The following COBL variants were observed in gnomAD, a reference collection of about 807,000 sequenced individuals.
COBL encodes protein cordon-bleu.
Under a neutral mutation model 98.8 loss-of-function variants are expected in COBL, and 51 were observed. The ratio of observed to expected loss-of-function variants is 0.52; its 90% CI spans 0.41 to 0.65. The LOEUF is 0.65. COBL is among the 30% of genes least tolerant of loss of function. The pLI, the probability that COBL is intolerant of heterozygous loss-of-function variation, is 0.00. For synonymous variants in COBL, 634 were observed against 651.7 expected, an observed-to-expected ratio of 0.97 and a Z score of 0.41; for missense variants, 1,617 against 1,617.5, an observed-to-expected ratio of 1.00 and a Z score of 0.01.
chr7:51,264,179 G>A (rs891682444), intron 1 of COBL, among the ~76,000 whole-genome samples: 1 of 152,110 alleles, frequency 6.6e-6, no homozygotes, highest in African/African-American at 2.4e-5. Flanking sequence ...CAAAACTGCA[G>A]GCAAGGAAGG....
chr7:51,288,226 G>T (rs927354079), intron 1 of COBL, among the ~76,000 whole-genome samples: 2 of 151,916 alleles, frequency 1.3e-5, no homozygotes, highest in African/African-American at 4.8e-5. Context: ...CTGAGTTCAG[G>T]AGTTCGAGAT....
At chr7:51,279,286 A>G (rs1455404051) in intron 1 of COBL, among the ~76,000 whole-genome samples, 1 of 152,234 alleles carries the variant, frequency 6.6e-6, no homozygotes, top group East Asian at 1.9e-4. Flanking sequence ...AGCCATGACT[A>G]ACTACTAAAG....
chr7:51,160,943 G>A (rs898054277), intron 5 of COBL, among the ~76,000 whole-genome samples: 9 of 150,896 alleles, frequency 6.0e-5, no homozygotes, highest in East Asian at 1.9e-4. Flanking sequence ...TCACTCTGTC[G>A]CCCAGGCTGG....
intron 1 of COBL, among the ~76,000 whole-genome samples, chr7:51,305,863 G>A (rs315103): frequency 0.086 from 13,070 of 152,052 alleles, 715 homozygotes; most frequent in East Asian, 0.3. Flanking sequence ...GTGAAGACCC[G>A]TCTCTACTAA....
At chr7:51,092,206 A>G (rs1281375138) in intron 6 of COBL, among the ~76,000 whole-genome samples, 2 of 152,226 alleles carry the variant, frequency 1.3e-5, no homozygotes, top group Admixed American at 6.5e-5. Flanking sequence ...GAACAGTTTT[A>G]TCCCGAAACC....
intron 5 of COBL, among the ~76,000 whole-genome samples, chr7:51,163,504 A>G (rs1787016138): frequency 6.6e-6 from 1 of 152,228 alleles, no homozygotes; most frequent in Admixed American, 6.5e-5. Flanking sequence ...GTACTGCCCT[A>G]GGGCTTGAAA....
chr7:51,182,573 C>G (rs547105028), intron 5 of COBL, among the ~76,000 whole-genome samples: 2 of 151,544 alleles, frequency 1.3e-5, no homozygotes, highest in African/African-American at 4.8e-5. Context: ...TGAGCCACCG[C>G]GCCCGGCCAC....
chr7:51,207,828 T>C (rs1036541888), intron 2 of COBL, among the ~76,000 whole-genome samples: 5 of 152,188 alleles, frequency 3.3e-5, no homozygotes, highest in African/African-American at 7.2e-5. Context: ...AGTGCCGAGA[T>C]TGCAGCCTCT....
chr7:51,017,898 C>T (rs925291037), intron 12 of COBL, among the ~76,000 whole-genome samples: 2 of 152,220 alleles, frequency 1.3e-5, no homozygotes, highest in Non-Finnish European at 2.9e-5. Flanking sequence ...CATCTGAGGC[C>T]TTGCCCTCTG....
intron 7 of COBL, among the ~76,000 whole-genome samples, chr7:51,055,456 A>T (rs533156902): frequency 1.3e-5 from 2 of 152,338 alleles, no homozygotes; most frequent in Non-Finnish European, 2.9e-5. Context: ...CAGTAATGGT[A>T]GCTAAAATTA....
In COBL at chr7:51,156,382, T is replaced by C. The variant is rs950577950; in HGVS notation, c.784-20051A>G. The C allele has an allele frequency of 3.0e-6, 3 of 985,220 alleles. No homozygotes were observed. In the African/African-American group the frequency reaches 5.2e-5, roughly 17 times the overall value. 61.0% of individuals were successfully genotyped at this position (985,220 alleles called of 1,614,324 possible). ...GCTCAGAGCCAATACTTCCGAAATGTCCCTTTCTGAAAGCTCACCGAAGTG... is the reference window on the plus strand; with the variant it reads ...GCTCAGAGCCAATACTTCCGAAATGCCCCTTTCTGAAAGCTCACCGAAGTG... On this transcript the variant is annotated intron_variant, in intron 5 of 12. Coordinates refer to ENST00000265136, the MANE Select transcript of COBL (RefSeq NM_015198.5).
chr7:51,269,882 G>A (rs147088894), intron 1 of COBL, among the ~76,000 whole-genome samples: 184 of 152,296 alleles, frequency 1.2e-3, no homozygotes, highest in African/African-American at 4.2e-3. Flanking sequence ...GCAGGAGAAA[G>A]CACCAAAGAA....
At chr7:51,305,961 A>C (rs1203293557) in intron 1 of COBL, among the ~76,000 whole-genome samples, 1 of 152,050 alleles carries the variant, frequency 6.6e-6, no homozygotes, top group Non-Finnish European at 1.5e-5. Flanking sequence ...GCTTGAACCC[A>C]GGAGATAGAG....
Position 51,018,884 on chromosome 7 carries a change from T to C in COBL, c.3769-1316A>G, listed in dbSNP as rs1310745280. Among the ~76,000 whole-genome samples, 7 of 38,912 alleles carry C rather than the reference T, an allele frequency of 1.8e-4. No homozygotes were observed. In the East Asian group the frequency reaches 2.5e-3, roughly 14 times the overall value. The allele number at this position is 38,912 out of a possible 152,430, so 25.5% of individuals were successfully genotyped here. On this transcript the variant is annotated intron_variant, in intron 12 of 12. Transcript: ENST00000265136. ...CCAGCCTGGGCAACAAGAGAGAAAC[T>C]CCATCTCAAAAAAAAAAAAAAATAT...
chr7:51,265,344 G>A (rs1798103364), intron 1 of COBL, among the ~76,000 whole-genome samples: 1 of 152,176 alleles, frequency 6.6e-6, no homozygotes. Flanking sequence ...GAAACCCAGA[G>A]CAGGGGCTGT....
At chr7:51,083,318 C>A in intron 7 of COBL, 7 of 942,762 alleles carry the variant, frequency 7.4e-6, no homozygotes, top group Non-Finnish European at 1.1e-5. Flanking sequence ...GGCACCAGAT[C>A]CAGCCACACT....
intron 1 of COBL, among the ~76,000 whole-genome samples, chr7:51,274,107 C>T (rs995857505): frequency 6.6e-6 from 1 of 152,182 alleles, no homozygotes. Context: ...GTGAGGCCCT[C>T]GCTCCCCTTC....
intron 5 of COBL, among the ~76,000 whole-genome samples, chr7:51,177,842 C>T (rs1788544327): frequency 6.6e-6 from 1 of 150,746 alleles, no homozygotes; most frequent in Admixed American, 6.6e-5. Context: ...ATAAAAAAGA[C>T]ATAAAAATAT....
intron 7 of COBL, chr7:51,083,026 AAC>A: frequency 6.5e-7 from 1 of 1,533,290 alleles, no homozygotes; most frequent in Non-Finnish European, 8.7e-7. Context: ...ATGAACAGTT[AAC>A]ACAGTCGGAA....
Sources: gnomAD v4.1 joint callset for allele counts (sites outside exome capture counted in the v4.1 genomes callset) on GRCh38, gnomAD v4.1.1 for gene constraint, MANE v1.5 for transcripts, NCBI Gene and HGNC (gene_info 2026-07-23, HGNC 2026-07-21) for gene names.